Variants in KHDRBS2 observed in about 807,000 individuals in gnomAD.
KHDRBS2 encodes KH RNA binding domain containing, signal transduction associated 2.
A neutral mutation model predicts 44.3 loss-of-function variants in KHDRBS2; 26 were observed. That is an observed-to-expected ratio of 0.59 (90% CI 0.43 to 0.81). The LOEUF (loss-of-function observed/expected upper bound fraction) is 0.81. Among genes scored for constraint, KHDRBS2 ranks in the 40% least tolerant of loss-of-function variants. The probability of loss-of-function intolerance (pLI) is 0.00; values close to 1 mark genes in which losing one functional copy is unlikely to be tolerated. For missense variants in KHDRBS2, 476 were observed against 433.1 expected (o/e 1.10, Z -0.88); for synonymous variants, 194 against 151.1 (o/e 1.28, Z -2.08).
chr6:62,153,228 C>T (rs1237583407), intron 2 of KHDRBS2, among the ~76,000 whole-genome samples: 1 of 152,114 alleles, frequency 6.6e-6, no homozygotes, highest in African/African-American at 2.4e-5. Flanking sequence ...TTAAACAGAA[C>T]ATGCTGCAGA....
intron 2 of KHDRBS2, among the ~76,000 whole-genome samples, chr6:62,115,671 T>C (rs565793822): frequency 4.5e-4 from 69 of 152,316 alleles, no homozygotes; most frequent in South Asian, 1.7e-3. Flanking sequence ...CTATTCTTTT[T>C]CTAATTAACA....
At chr6:62,111,634 A>G (rs2127383343) in intron 2 of KHDRBS2, among the ~76,000 whole-genome samples, 1 of 152,236 alleles carries the variant, frequency 6.6e-6, no homozygotes, top group African/African-American at 2.4e-5. Flanking sequence ...AGCAGCTCAC[A>G]CATGTAATCC....
chr6:62,091,738 G>T (rs1799530248), intron 2 of KHDRBS2, among the ~76,000 whole-genome samples: 1 of 152,118 alleles, frequency 6.6e-6, no homozygotes, highest in Non-Finnish European at 1.5e-5. Flanking sequence ...ACATGCTGGA[G>T]CCAGATGACC....
chr6:62,145,203 CA>C (rs1190735982), intron 2 of KHDRBS2, among the ~76,000 whole-genome samples: 1 of 151,498 alleles, frequency 6.6e-6, no homozygotes, highest in East Asian at 1.9e-4. Context: ...TTTATGTTTT[CA>C]GTTCTCAAAA....
chr6:61,725,551 C>A (rs532699500), intron 7 of KHDRBS2, among the ~76,000 whole-genome samples: 2 of 151,574 alleles, frequency 1.3e-5, no homozygotes, highest in African/African-American at 4.8e-5. Flanking sequence ...TGTTATCTAG[C>A]CTAATAAAGA....
chr6:62,121,488 G>A (rs1807625926), intron 2 of KHDRBS2, among the ~76,000 whole-genome samples: 1 of 152,134 alleles, frequency 6.6e-6, no homozygotes, highest in South Asian at 2.1e-4. Context: ...TACCAGATGT[G>A]GTTTCATTAC....
chr6:61,604,112 A>G, the KHDRBS2 span, among the ~76,000 whole-genome samples: 1 of 152,208 alleles, frequency 6.6e-6, no homozygotes, highest in Admixed American at 6.5e-5. Flanking sequence ...CAATATTTAT[A>G]TGACTCTAAA....
chr6:61,643,718 G>T, the KHDRBS2 span, among the ~76,000 whole-genome samples: 1 of 152,036 alleles, frequency 6.6e-6, no homozygotes, highest in Admixed American at 6.6e-5. Flanking sequence ...GCCACAAAAA[G>T]AATAAAATAC....
chr6:61,779,684 T>C lies in KHDRBS2; in HGVS notation c.811-46920A>G, dbSNP rs1782635725. Reference sequence around the variant, plus strand: ...GCAGAAATGACGTGTTATAATTAAATTTTATATTAATACTACTACCAACTA... The same window carrying C: ...GCAGAAATGACGTGTTATAATTAAACTTTATATTAATACTACTACCAACTA... On this transcript the variant is annotated intron_variant, in intron 6 of 8. Coordinates refer to ENST00000281156, the MANE Select transcript of KHDRBS2 (RefSeq NM_152688.4). Among the ~76,000 whole-genome samples the C allele has an allele frequency of 2.0e-5, 3 of 152,250 alleles. No homozygotes were observed. The South Asian group carries it at 6.2e-4, about 32-fold the overall frequency.
At position 61,787,366 on chromosome 6, in the gene KHDRBS2, T is replaced by A. The variant is rs115191764; in HGVS notation, c.811-54602A>T. On this transcript the variant is annotated intron_variant, in intron 6 of 8. Transcript: ENST00000281156. ...GAAATTATGTATGACTTCACTATGA[T>A]CACAGTTTCAACTTTCTTGTAATTT... 3.5e-3 allele frequency among the ~76,000 whole-genome samples: 538 copies of A among 151,814 alleles called. 5 individuals carry two copies. The highest frequency in any genetic ancestry group is 0.013 in the African/African-American group (527 of 41,520).
chr6:61,728,167 C>G (rs1773878301), intron 7 of KHDRBS2, among the ~76,000 whole-genome samples: 1 of 152,080 alleles, frequency 6.6e-6, no homozygotes, highest in African/African-American at 2.4e-5. Flanking sequence ...AGCCATTATC[C>G]TTAGCAAACT....
chr6:61,665,570 G>A, the KHDRBS2 span, among the ~76,000 whole-genome samples: 4,493 of 151,180 alleles, frequency 0.03, 232 homozygotes, highest in African/African-American at 0.1. Flanking sequence ...AAATTAGAAG[G>A]TTGGTAAGTA....
chr6:61,875,967 T>C (rs1799354954), intron 6 of KHDRBS2, among the ~76,000 whole-genome samples: 1 of 152,076 alleles, frequency 6.6e-6, no homozygotes. Flanking sequence ...CTTAAAAGAT[T>C]CAGGTATACT....
intron 2 of KHDRBS2, among the ~76,000 whole-genome samples, chr6:62,172,034 A>C (rs1332894765): frequency 1.3e-5 from 2 of 152,204 alleles, no homozygotes. Context: ...TCTGCATAAT[A>C]ACTACCTAAT....
chr6:61,683,800 T>C (rs181721107), intron 8 of KHDRBS2, among the ~76,000 whole-genome samples: 37 of 152,000 alleles, frequency 2.4e-4, no homozygotes, highest in Non-Finnish European at 4.7e-4. Flanking sequence ...GAATTAATAC[T>C]ATGCTCTTTC....
intron 4 of KHDRBS2, among the ~76,000 whole-genome samples, chr6:61,954,836 G>GTGTGTA (rs1445904774): frequency 2.3e-4 from 7 of 30,064 alleles, no homozygotes; most frequent in African/African-American, 8.1e-4. Context: ...ACATGCATAT[G>GTGTGTA]TATGTATACA....
At chr6:62,179,856 GT>G (rs748922369) in intron 1 of KHDRBS2, among the ~76,000 whole-genome samples, 1 of 151,612 alleles carries the variant, frequency 6.6e-6, no homozygotes, top group Non-Finnish European at 1.5e-5. Context: ...TTCTTCTGAA[GT>G]TTTTTGGTAT....
chr6:61,923,731 A>T (rs1808474052), intron 4 of KHDRBS2, among the ~76,000 whole-genome samples: 1 of 152,118 alleles, frequency 6.6e-6, no homozygotes, highest in Non-Finnish European at 1.5e-5. Context: ...AGTGTGAAAG[A>T]CTGAATCATT....
chr6:61,668,319 CT>C, the KHDRBS2 span, among the ~76,000 whole-genome samples: 3 of 150,906 alleles, frequency 2.0e-5, no homozygotes, highest in Non-Finnish European at 4.5e-5. Context: ...TTATAATTTT[CT>C]AAAAATACAA....
Sources: allele counts gnomAD v4.1 joint callset (sites outside exome capture counted in the v4.1 genomes callset), GRCh38; gene constraint gnomAD v4.1.1; transcripts MANE v1.5; gene names NCBI Gene and HGNC (gene_info 2026-07-23, HGNC 2026-07-21).